The following PREX2 variants were observed in gnomAD, a reference collection of about 807,000 sequenced individuals.
PREX2 encodes the protein phosphatidylinositol 3,4,5-trisphosphate-dependent Rac exchanger 2 protein.
Under a neutral mutation model 203.2 loss-of-function variants are expected in PREX2, and 107 were observed. That is an observed-to-expected ratio of 0.53 (90% CI 0.45 to 0.62). The LOEUF is 0.62. PREX2 is among the 20% of genes least tolerant of loss of function. The pLI, the probability that PREX2 is intolerant of heterozygous loss-of-function variation, is 0.00. For synonymous variants in PREX2, 672 were observed against 663.6 expected (o/e 1.01, Z -0.19); for missense variants, 1,777 against 1,955.9 (o/e 0.91, Z 1.72).
At position 68,097,184 on chromosome 8, in the gene PREX2, T is replaced by C; in HGVS notation, c.2536T>C (p.Phe846Leu). The change falls in exon 22 of 40, where the codon TTC becomes CTC. Residue 846 changes from phenylalanine to leucine, a missense_variant. Coordinates refer to ENST00000288368, the MANE Select transcript of PREX2 (RefSeq NM_024870.4). Reference sequence around the variant, plus strand: ...AAAGATGATTGAGCCCAAAGGTTTCTTCAGCTTAACTGCCAAGGTAGGAGC... The same window carrying C: ...AAAGATGATTGAGCCCAAAGGTTTCCTCAGCTTAACTGCCAAGGTAGGAGC... ...VEKMIEPKGFFSLTAKILEAL... is the reference protein window; with the variant it reads ...VEKMIEPKGFLSLTAKILEAL... 5 of 1,612,792 alleles carry C rather than the reference T, an allele frequency of 3.1e-6. No homozygotes were observed. Among genetic ancestry groups the C allele is most frequent in the Non-Finnish European group, 4.2e-6 (5 of 1,179,086 alleles).
chr8:67,977,105 T>G (rs775092551), intron 1 of PREX2, among the ~76,000 whole-genome samples: 3 of 152,152 alleles, frequency 2.0e-5, no homozygotes, highest in East Asian at 1.9e-4. Flanking sequence ...GTGATGGGAT[T>G]AGGAGATGTG....
intron 22 of PREX2, among the ~76,000 whole-genome samples, chr8:68,097,849 T>G (rs1396424573): frequency 6.6e-6 from 1 of 152,240 alleles, no homozygotes; most frequent in East Asian, 1.9e-4. Flanking sequence ...TACTTTTTCT[T>G]AAATGTACAT....
intron 35 of PREX2, 133 bp downstream of exon 35, chr8:68,157,569 G>A: frequency 2.1e-6 from 1 of 468,894 alleles, no homozygotes. Context: ...TCGGATTTAG[G>A]GTTTAATATT....
intron 33 of PREX2, among the ~76,000 whole-genome samples, chr8:68,144,324 A>T (rs867656231): frequency 2.0e-5 from 3 of 152,202 alleles, no homozygotes; most frequent in African/African-American, 7.2e-5. Context: ...ATCCATGAAC[A>T]TAAAATGTCT....
intron 32 of PREX2, among the ~76,000 whole-genome samples, chr8:68,138,079 C>A (rs1016941492): frequency 6.6e-6 from 1 of 152,056 alleles, no homozygotes; most frequent in Non-Finnish European, 1.5e-5. Flanking sequence ...AGTTTAGATG[C>A]AAATAGCATG....
At chr8:68,081,455 C>T (rs1454173035) in intron 17 of PREX2, among the ~76,000 whole-genome samples, 1 of 152,110 alleles carries the variant, frequency 6.6e-6, no homozygotes, top group Non-Finnish European at 1.5e-5. Context: ...TTCTGGGAGG[C>T]CAAGTGGCTC....
In PREX2 at chr8:68,138,489, A is replaced by G. The variant is rs774282672; in HGVS notation, c.4059A>G (p.Lys1353=). 6.2e-7 allele frequency: 1 copy of G among 1,602,580 alleles called. No individual in the cohort carries two copies. The highest frequency in any genetic ancestry group is 2.3e-5 in the East Asian group (1 of 44,432). The change falls in exon 33 of 40, where the codon AAA becomes AAG. Residue 1353 remains lysine (K), a synonymous_variant. Transcript: ENST00000288368. ...TGGAAAAGGTTTCCTTTTACTTTAA[A>G]CCATCAGAAGAGGAACCTCTGGTTG... is the stretch of plus-strand genomic sequence containing the variant. ...FDLEKVSFYF[K]PSEEEPLVAN...
chr8:67,993,400 C>CTTTTTTTTT (rs5892121), intron 1 of PREX2, among the ~76,000 whole-genome samples: 1 of 108,226 alleles, frequency 9.2e-6, no homozygotes. Flanking sequence ...TTACTTCAGT[C>CTTTTTTTTT]TTTTTTTTTT....
At chr8:68,133,934 C>T in intron 31 of PREX2, 125 bp from the exon 32 acceptor site, 1 of 727,226 alleles carries the variant, frequency 1.4e-6, no homozygotes, top group Non-Finnish European at 2.3e-6. Flanking sequence ...AGCTCAAATT[C>T]ACATTTTTCA....
intron 31 of PREX2, among the ~76,000 whole-genome samples, chr8:68,132,063 G>A (rs2129613358): frequency 6.6e-6 from 1 of 152,190 alleles, no homozygotes; most frequent in East Asian, 1.9e-4. Flanking sequence ...GTGCACACTG[G>A]AGCTAACAAG....
At chr8:68,182,179 TAAGA>T (rs1812098106) in intron 35 of PREX2, among the ~76,000 whole-genome samples, 1 of 152,114 alleles carries the variant, frequency 6.6e-6, no homozygotes, top group Non-Finnish European at 1.5e-5. Context: ...GTATATAAGC[TAAGA>T]GTTAAGCACT....
chr8:67,993,235 A>G (rs1358180136), intron 1 of PREX2, among the ~76,000 whole-genome samples: 2 of 152,164 alleles, frequency 1.3e-5, no homozygotes, highest in African/African-American at 4.8e-5. Context: ...CTATACTCAC[A>G]GGATGTTTTA....
At position 68,071,499 on chromosome 8, in the gene PREX2, T is replaced by A. The variant is rs139736675; in HGVS notation, c.1494-996T>A. Among the ~76,000 whole-genome samples the A allele has an allele frequency of 3.4e-3, 517 of 152,296 alleles. 6 individuals are homozygous for A. Among genetic ancestry groups the A allele is most frequent in the African/African-American group, 0.012 (504 of 41,572 alleles). On this transcript the variant is annotated intron_variant, in intron 13 of 39. Transcript: ENST00000288368. ...GCTAGTAATTATTAGTCACTTCAAG[T>A]CTTTTGCAGTTTAGAATTTTTGACA...
intron 35 of PREX2, among the ~76,000 whole-genome samples, chr8:68,189,556 G>A (rs927240585): frequency 6.6e-6 from 1 of 152,118 alleles, no homozygotes; most frequent in African/African-American, 2.4e-5. Context: ...TTTTCATCAT[G>A]GAAATAATCC....
intron 1 of PREX2, among the ~76,000 whole-genome samples, chr8:67,997,729 A>G (rs1806807908): frequency 6.6e-6 from 1 of 152,098 alleles, no homozygotes; most frequent in Non-Finnish European, 1.5e-5. Context: ...TTAAGATATC[A>G]GTTCTCAGTA....
At chr8:68,212,869 T>C (rs544686912) in intron 37 of PREX2, among the ~76,000 whole-genome samples, 13 of 152,304 alleles carry the variant, frequency 8.5e-5, no homozygotes, top group African/African-American at 2.9e-4. Flanking sequence ...AAAAAACTTC[T>C]CTAAGTTTCT....
chr8:68,086,838 A>G (rs1454609581), intron 18 of PREX2, among the ~76,000 whole-genome samples: 3 of 152,140 alleles, frequency 2.0e-5, no homozygotes, highest in East Asian at 1.9e-4. Context: ...CCTTCATTGC[A>G]TAAATACTAA....
At chr8:68,193,893 A>G (rs1012502741) in intron 37 of PREX2, among the ~76,000 whole-genome samples, 1 of 152,234 alleles carries the variant, frequency 6.6e-6, no homozygotes, top group African/African-American at 2.4e-5. Flanking sequence ...TTCAGGCCCT[A>G]TGCAGCATGA....
rs558649372 is a variant in PREX2, at chr8:68,072,352, G to T, written c.1494-143G>T. The T allele has an allele frequency of 9.6e-6, 5 of 523,020 alleles. No individual in the cohort carries two copies. The Admixed American group carries it at 1.5e-4, about 15-fold the overall frequency. The allele number at this position is 523,020 out of a possible 1,614,324, so 32.4% of individuals were successfully genotyped here. ...CATAATAAACTTCTCTTATTTGCAT[G>T]TAATTTGGGCAACTAACTCAGGTTA... On this transcript the variant is annotated intron_variant, in intron 13 of 39. Transcript: ENST00000288368.
Sources: allele counts gnomAD v4.1 joint callset (sites outside exome capture counted in the v4.1 genomes callset), GRCh38; gene constraint gnomAD v4.1.1; transcripts MANE v1.5; gene names NCBI Gene and HGNC (gene_info 2026-07-23, HGNC 2026-07-21).